Variants in CADM2 observed in about 807,000 individuals in gnomAD.
CADM2 encodes cell adhesion molecule 2.
Under a neutral mutation model 49.8 loss-of-function variants are expected in CADM2, and 12 were observed. The ratio of observed to expected loss-of-function variants is 0.24; its 90% CI spans 0.15 to 0.39. The LOEUF (loss-of-function observed/expected upper bound fraction) is 0.39. CADM2 is among the 10% of genes least tolerant of loss of function. CADM2 has a pLI of 1.00. For synonymous variants in CADM2, 214 were observed against 175.4 expected (o/e 1.22, Z -1.74); for missense variants, 378 against 492.3 (o/e 0.77, Z 2.20).
At chr3:85,073,045 T>TA (rs1449329739) in intron 1 of CADM2, among the ~76,000 whole-genome samples, 5 of 152,152 alleles carry the variant, frequency 3.3e-5, no homozygotes, top group Non-Finnish European at 7.4e-5. Context: ...TCTTACTTCT[T>TA]AAGTCTGATG....
chr3:85,888,509 C>G (rs1713984119), intron 5 of CADM2, among the ~76,000 whole-genome samples: 1 of 152,196 alleles, frequency 6.6e-6, no homozygotes, highest in Non-Finnish European at 1.5e-5. Context: ...CTATGCAGTA[C>G]TGAAAACTTG....
chr3:85,656,375 G>A (rs1477915862), intron 1 of CADM2, among the ~76,000 whole-genome samples: 1 of 152,076 alleles, frequency 6.6e-6, no homozygotes, highest in Non-Finnish European at 1.5e-5. Flanking sequence ...CTAGCACTTT[G>A]GGAGGCCGAG....
At chr3:85,368,900 A>G (rs2032994320) in intron 1 of CADM2, among the ~76,000 whole-genome samples, 1 of 152,138 alleles carries the variant, frequency 6.6e-6, no homozygotes, top group African/African-American at 2.4e-5. Context: ...CTGGTTGAGG[A>G]TGTAGTACAA....
intron 1 of CADM2, among the ~76,000 whole-genome samples, chr3:85,537,301 G>C (rs1348728192): frequency 6.6e-6 from 1 of 152,024 alleles, no homozygotes; most frequent in Non-Finnish European, 1.5e-5. Context: ...CTATGTAGAA[G>C]CATCTACCTT....
intron 1 of CADM2, among the ~76,000 whole-genome samples, chr3:85,336,272 C>G (rs2045076210): frequency 6.6e-6 from 1 of 151,302 alleles, no homozygotes; most frequent in African/African-American, 2.4e-5. Context: ...TGATATTTTT[C>G]TGAATTTAGC....
chr3:85,648,778 C>T (rs1333536446), intron 1 of CADM2, among the ~76,000 whole-genome samples: 1 of 151,958 alleles, frequency 6.6e-6, no homozygotes, highest in African/African-American at 2.4e-5. Flanking sequence ...AACATCTTTT[C>T]TTTGGATGCA....
chr3:85,275,942 TTATTGG>T (rs2043346548), intron 1 of CADM2, among the ~76,000 whole-genome samples: 1 of 151,230 alleles, frequency 6.6e-6, no homozygotes, highest in South Asian at 2.1e-4. Flanking sequence ...ATGAGAACTA[TTATTGG>T]TATTTCTGAA....
chr3:85,751,687 T>C (rs913267342), intron 2 of CADM2, among the ~76,000 whole-genome samples: 2 of 152,208 alleles, frequency 1.3e-5, no homozygotes, highest in Non-Finnish European at 2.9e-5. Flanking sequence ...TTGCTTTGCA[T>C]GGTCTTCACC....
At chr3:85,458,269 T>G (rs1347365720) in intron 1 of CADM2, among the ~76,000 whole-genome samples, 2 of 152,176 alleles carry the variant, frequency 1.3e-5, no homozygotes, top group African/African-American at 4.8e-5. Flanking sequence ...AGGAAATGCC[T>G]TACACCATGC....
At chr3:85,742,394 T>C (rs1453607305) in intron 2 of CADM2, among the ~76,000 whole-genome samples, 1 of 152,184 alleles carries the variant, frequency 6.6e-6, no homozygotes, top group Non-Finnish European at 1.5e-5. Flanking sequence ...TCTAAATAGG[T>C]CACTCACTGT....
At chr3:85,620,488 T>G (rs1434703389) in intron 1 of CADM2, among the ~76,000 whole-genome samples, 3 of 151,990 alleles carry the variant, frequency 2.0e-5, no homozygotes, top group African/African-American at 4.8e-5. Context: ...CCTCCATAAT[T>G]TCCATTATAA....
intron 3 of CADM2, among the ~76,000 whole-genome samples, chr3:85,811,644 A>G (rs1306602291): frequency 6.6e-6 from 1 of 152,200 alleles, no homozygotes; most frequent in African/African-American, 2.4e-5. Context: ...TTGGCAAAAC[A>G]TACAGAATTA....
At chr3:85,326,923 G>C (rs1269877467) in intron 1 of CADM2, among the ~76,000 whole-genome samples, 1 of 151,634 alleles carries the variant, frequency 6.6e-6, no homozygotes, top group Admixed American at 6.6e-5. Context: ...ATGACTAAAA[G>C]TTTTTCAGAG....
intron 1 of CADM2, among the ~76,000 whole-genome samples, chr3:85,332,481 T>C (rs146619777): frequency 2.6e-4 from 40 of 152,068 alleles, no homozygotes; most frequent in African/African-American, 9.6e-4. Context: ...CTGGGGGCTT[T>C]GTAGGTTTGA....
chr3:85,209,727 C>A (rs1031874933), intron 1 of CADM2, among the ~76,000 whole-genome samples: 1 of 151,920 alleles, frequency 6.6e-6, no homozygotes, highest in Non-Finnish European at 1.5e-5. Context: ...CTGCACACTG[C>A]AGGCGTTTCC....
At chr3:85,206,368 C>A (rs556855123) in intron 1 of CADM2, among the ~76,000 whole-genome samples, 1 of 145,360 alleles carries the variant, frequency 6.9e-6, no homozygotes, top group Non-Finnish European at 1.5e-5. Flanking sequence ...AGTGCAGTGG[C>A]GCAATCTCGA....
chr3:85,701,862 TA>T (rs978593865), intron 1 of CADM2, among the ~76,000 whole-genome samples: 7 of 19,432 alleles, frequency 3.6e-4, no homozygotes, highest in African/African-American at 1.3e-3. Context: ...TTGTAAAAGA[TA>T]GATAGATAGA....
At chr3:85,564,693 A>G (rs1239041620) in intron 1 of CADM2, among the ~76,000 whole-genome samples, 1 of 152,094 alleles carries the variant, frequency 6.6e-6, no homozygotes, top group African/African-American at 2.4e-5. Context: ...AAACCAGAAG[A>G]TATGTTAATG....
Position 86,069,864 on chromosome 3 carries a change from C to G in CADM2, c.*3081C>G, listed in dbSNP as rs1739698966. 1 of 151,654 alleles carries G rather than the reference C, an allele frequency of 6.6e-6. No individual in the cohort carries two copies. Among genetic ancestry groups the G allele is most frequent in the Non-Finnish European group, 1.5e-5 (1 of 67,822 alleles). The allele number at this position is 151,654 out of a possible 1,614,324, so 9.4% of individuals were successfully genotyped here. ...TTTTTATTTTCCATTTTTGGGTGTT[C>G]TAGATAGGATTATTATCAAAAGTAG... On this transcript the variant is annotated 3_prime_UTR_variant, in exon 10 of 10. Coordinates refer to ENST00000383699, the MANE Select transcript of CADM2 (RefSeq NM_001167675.2).
Sources: allele counts gnomAD v4.1 joint callset (sites outside exome capture counted in the v4.1 genomes callset), GRCh38; gene constraint gnomAD v4.1.1; transcripts MANE v1.5; gene names NCBI Gene and HGNC (gene_info 2026-07-23, HGNC 2026-07-21).